Variants in RORA observed in about 807,000 individuals in gnomAD.
RORA encodes the protein nuclear receptor ROR-alpha.
Under a neutral mutation model 69.5 loss-of-function variants are expected in RORA, and 7 were observed. The ratio of observed to expected loss-of-function variants is 0.10; its 90% CI spans 0.06 to 0.19. The LOEUF is 0.19. Ranked by LOEUF, RORA falls within the 10% of genes least tolerant of loss-of-function variation. RORA has a pLI of 1.00. For synonymous variants in RORA, 261 were observed against 240.8 expected (o/e 1.08, Z -0.78); for missense variants, 457 against 663.0 (o/e 0.69, Z 3.41).
intron 5 of RORA, among the ~76,000 whole-genome samples, chr15:60,506,294 G>A (rs2065498528): frequency 6.6e-6 from 1 of 152,134 alleles, no homozygotes; most frequent in African/African-American, 2.4e-5. Context: ...CTATTTCACA[G>A]GGCTGCCATG....
At chr15:60,847,669 G>T (rs1045355442) in intron 1 of RORA, 1 of 151,970 alleles carries the variant, frequency 6.6e-6, no homozygotes, top group African/African-American at 2.4e-5. Context: ...AGATATTGAA[G>T]ATGTGGTACA....
chr15:61,044,868 T>C (rs1896949501), intron 1 of RORA, among the ~76,000 whole-genome samples: 1 of 152,204 alleles, frequency 6.6e-6, no homozygotes, highest in South Asian at 2.1e-4. Flanking sequence ...CATTAAAGTC[T>C]GTGAAGCACT....
chr15:60,916,710 T>G (rs577098093), intron 1 of RORA, among the ~76,000 whole-genome samples: 2 of 152,178 alleles, frequency 1.3e-5, no homozygotes, highest in East Asian at 3.9e-4. Context: ...GCATCAGGCA[T>G]CAGTATTTTT....
intron 1 of RORA, among the ~76,000 whole-genome samples, chr15:61,095,811 A>G (rs1477573067): frequency 6.6e-6 from 1 of 152,156 alleles, no homozygotes; most frequent in African/African-American, 2.4e-5. Flanking sequence ...GGCAGCCCAT[A>G]CAGGCCCTGA....
intron 1 of RORA, among the ~76,000 whole-genome samples, chr15:61,224,474 G>T (rs1043697028): frequency 6.6e-6 from 1 of 152,176 alleles, no homozygotes; most frequent in Non-Finnish European, 1.5e-5. Flanking sequence ...AAGATGAAGG[G>T]GGAAAGGAAG....
chr15:60,713,179 G>T (rs2071167018), intron 1 of RORA, among the ~76,000 whole-genome samples: 1 of 152,136 alleles, frequency 6.6e-6, no homozygotes, highest in African/African-American at 2.4e-5. Flanking sequence ...CATAAAGCCA[G>T]CAATCCATGC....
At chr15:61,228,975 G>A in intron 1 of RORA, 78 bp downstream of exon 1, 2 of 742,420 alleles carry the variant, frequency 2.7e-6, no homozygotes, top group Non-Finnish European at 3.3e-6. Flanking sequence ...CCGCGCCCCG[G>A]GCGCCCGCTC....
chr15:60,750,092 T>C (rs1312588765), intron 1 of RORA, among the ~76,000 whole-genome samples: 2 of 152,228 alleles, frequency 1.3e-5, no homozygotes, highest in African/African-American at 4.8e-5. Flanking sequence ...TCATTTATTA[T>C]TTCATATTAT....
At chr15:61,058,072 G>C (rs1290365122) in intron 1 of RORA, among the ~76,000 whole-genome samples, 2 of 152,172 alleles carry the variant, frequency 1.3e-5, no homozygotes, top group African/African-American at 2.4e-5. Flanking sequence ...AGTAGTTGGG[G>C]AGGCCTCCTG....
rs2069960509 is a variant in RORA, at chr15:60,642,423, A to C, written c.196+36234T>G. ...GGTCCAGTCAGTGTAGGACATTTCC[A>C]ACAGTCTGGCCTCATACCTAAGTAA... On this transcript the variant is annotated intron_variant, in intron 2 of 10. Coordinates refer to ENST00000335670, the MANE Select transcript of RORA (RefSeq NM_134261.3). Among the ~76,000 whole-genome samples the C allele has an allele frequency of 3.3e-5, 5 of 152,200 alleles. No homozygotes were observed. The South Asian group carries it at 1.0e-3, about 31-fold the overall frequency.
At chr15:60,789,916 G>A (rs1023698368) in intron 1 of RORA, among the ~76,000 whole-genome samples, 5 of 152,224 alleles carry the variant, frequency 3.3e-5, no homozygotes. Context: ...TGCCCAGTCT[G>A]TGATAGGCAC....
At chr15:60,811,915 C>G (rs2072749901) in intron 1 of RORA, among the ~76,000 whole-genome samples, 1 of 152,130 alleles carries the variant, frequency 6.6e-6, no homozygotes, top group Non-Finnish European at 1.5e-5. Context: ...GTTATTTATG[C>G]AAGTTGAATC....
chr15:61,093,661 G>C (rs1595978485), intron 1 of RORA, among the ~76,000 whole-genome samples: 1 of 152,204 alleles, frequency 6.6e-6, no homozygotes, highest in East Asian at 1.9e-4. Context: ...CTCTTTGCTT[G>C]AGGAAAGCAC....
intron 1 of RORA, among the ~76,000 whole-genome samples, chr15:60,938,481 C>G (rs1217670487): frequency 6.6e-6 from 1 of 152,096 alleles, no homozygotes; most frequent in Admixed American, 6.5e-5. Context: ...GCTTAGAGGT[C>G]GTGTGCAAAG....
In RORA at chr15:61,061,881, G is replaced by T. The variant is rs540748257; in HGVS notation, c.166+167172C>A. Among the ~76,000 whole-genome samples, 4 of 152,082 alleles carry T rather than the reference G, an allele frequency of 2.6e-5. No individual in the cohort carries two copies. The highest frequency in any genetic ancestry group is 5.9e-5 in the Non-Finnish European group (4 of 68,008). On this transcript the variant is annotated intron_variant, in intron 1 of 10. Transcript: ENST00000335670. This position sits in a 1 kb window ranked among gnomAD's most constrained non-coding sequence, Gnocchi z 4.4. ...AGTTCGAGACCAGCCTGGCCAACAT[G>T]GTGAAACCCCATCTCAACTAAAAAT...
At chr15:60,979,279 T>C (rs540979347) in intron 1 of RORA, among the ~76,000 whole-genome samples, 7,456 of 146,020 alleles carry the variant, frequency 0.051, 710 homozygotes, top group African/African-American at 0.18. Flanking sequence ...TTTTTTTTTT[T>C]TTTTTTTTTT....
At chr15:61,041,458 C>T (rs1171923391) in intron 1 of RORA, among the ~76,000 whole-genome samples, 1 of 152,226 alleles carries the variant, frequency 6.6e-6, no homozygotes, top group Non-Finnish European at 1.5e-5. Flanking sequence ...CATCCATTGA[C>T]AACCAGGCGC....
rs10523030 is a variant in RORA at position 61,147,766 on chromosome 15, C to CGTGTGTGT, written c.166+81279_166+81286dup. Among the ~76,000 whole-genome samples the CGTGTGTGT allele has an allele frequency of 0.062, 9,183 of 147,586 alleles. 366 individuals carry two copies. Among genetic ancestry groups the CGTGTGTGT allele is most frequent in the Non-Finnish European group, 0.079 (5,287 of 66,856 alleles). On this transcript the variant is annotated intron_variant, in intron 1 of 10. Coordinates refer to ENST00000335670, the MANE Select transcript of RORA (RefSeq NM_134261.3). This position sits in a 1 kb window ranked among gnomAD's most constrained non-coding sequence, Gnocchi z 4.1. ...TGGTCAGTAGGCACGTGCGCACACG[C>CGTGTGTGT]GTGTGTGTGTGTGTGTGTGTGTGTG...
At chr15:60,750,048 A>G (rs979778258) in intron 1 of RORA, among the ~76,000 whole-genome samples, 1 of 152,232 alleles carries the variant, frequency 6.6e-6, no homozygotes, top group African/African-American at 2.4e-5. Context: ...TATAGCTAAT[A>G]TTAATCAAAA....
Sources: gnomAD v4.1 joint callset for allele counts (sites outside exome capture counted in the v4.1 genomes callset) on GRCh38, gnomAD v4.1.1 for gene constraint, Gnocchi (gnomAD v3.1) non-coding constraint, MANE v1.5 for transcripts, NCBI Gene and HGNC (gene_info 2026-07-23, HGNC 2026-07-21) for gene names.